The following EGFLAM variants were observed in gnomAD, a reference collection of about 807,000 sequenced individuals.
The protein encoded by EGFLAM is pikachurin.
Under a neutral mutation model 113.1 loss-of-function variants are expected in EGFLAM, and 79 were observed. The observed-to-expected ratio is 0.70, with a 90% CI of 0.58 to 0.84. The LOEUF is 0.84. Among genes scored for constraint, EGFLAM ranks in the 40% least tolerant of loss-of-function variants. The pLI is 0.00. For synonymous variants in EGFLAM, 504 were observed against 487.6 expected (o/e 1.03, Z -0.44); for missense variants, 1,265 against 1,291.6 (o/e 0.98, Z 0.32).
At chr5:38,375,569 A>G (rs910573243) in intron 6 of EGFLAM, among the ~76,000 whole-genome samples, 1 of 152,194 alleles carries the variant, frequency 6.6e-6, no homozygotes, top group Non-Finnish European at 1.5e-5. Flanking sequence ...CTTTTGTAAG[A>G]AAAGATAACA....
chr5:38,421,806 G>T (rs1741832331), intron 12 of EGFLAM, among the ~76,000 whole-genome samples: 1 of 152,106 alleles, frequency 6.6e-6, no homozygotes, highest in South Asian at 2.1e-4. Context: ...GTGAAAATGT[G>T]GAGAAGGGAA....
chr5:38,408,291 T>C (rs1741359393), intron 9 of EGFLAM, among the ~76,000 whole-genome samples: 1 of 152,244 alleles, frequency 6.6e-6, no homozygotes, highest in Admixed American at 6.5e-5. Context: ...GTCTTCATTG[T>C]GATAGCTGTC....
intron 11 of EGFLAM, among the ~76,000 whole-genome samples, chr5:38,414,229 A>G (rs1002531141): frequency 6.6e-6 from 1 of 152,244 alleles, no homozygotes; most frequent in Admixed American, 6.5e-5. Context: ...GAGATTGTTT[A>G]TGCTCAGATG....
intron 1 of EGFLAM, among the ~76,000 whole-genome samples, chr5:38,272,935 G>A (rs537400755): frequency 6.6e-6 from 1 of 152,316 alleles, no homozygotes; most frequent in Admixed American, 6.5e-5. Flanking sequence ...TTTAGAAGAG[G>A]AGGATGGTAT....
intron 6 of EGFLAM, among the ~76,000 whole-genome samples, chr5:38,388,751 C>T (rs1740730381): frequency 7.0e-6 from 1 of 142,582 alleles, no homozygotes; most frequent in Non-Finnish European, 1.5e-5. Flanking sequence ...CAGAGTGAGA[C>T]TCTGTCACAA....
intron 1 of EGFLAM, among the ~76,000 whole-genome samples, chr5:38,289,647 C>T (rs558263376): frequency 1.7e-4 from 26 of 152,262 alleles, no homozygotes; most frequent in Middle Eastern, 3.4e-3. Flanking sequence ...TTGGCCAGAA[C>T]GAGTCACATG....
intron 17 of EGFLAM, chr5:38,445,664 G>T (rs375748467): frequency 1.1e-5 from 18 of 1,598,360 alleles, no homozygotes; most frequent in African/African-American, 2.7e-5. Flanking sequence ...TCTCTTTCAT[G>T]CTGGCACCGG....
intron 6 of EGFLAM, among the ~76,000 whole-genome samples, 172 bp downstream of exon 6, chr5:38,370,634 G>A (rs2112035212): frequency 6.6e-6 from 1 of 152,348 alleles, no homozygotes; most frequent in Non-Finnish European, 1.5e-5. Context: ...TGTCAACAGG[G>A]ACACGGGCTG....
intron 9 of EGFLAM, among the ~76,000 whole-genome samples, chr5:38,408,630 A>G (rs139732287): frequency 6.6e-6 from 1 of 152,312 alleles, no homozygotes; most frequent in Non-Finnish European, 1.5e-5. Flanking sequence ...GGGGAGGGAA[A>G]TAGAAAGAAC....
chr5:38,448,393 A>G lies in EGFLAM; in HGVS notation c.2543+14A>G. 6.2e-7 allele frequency: 1 copy of G among 1,613,818 alleles called. No individual in the cohort carries two copies. Among genetic ancestry groups the G allele is most frequent in the Non-Finnish European group, 8.5e-7 (1 of 1,179,832 alleles). ...TATCTTGAAGAGGTAATAAGCTTCA[A>G]CAGGCACCTTCCTCAGCTTTCTGGG... On this transcript the variant is annotated intron_variant, in intron 18 of 21. Coordinates refer to ENST00000322350, the MANE Select transcript of EGFLAM (RefSeq NM_152403.4).
intron 1 of EGFLAM, among the ~76,000 whole-genome samples, chr5:38,272,079 A>G (rs1219160383): frequency 1.3e-5 from 2 of 152,234 alleles, no homozygotes; most frequent in Non-Finnish European, 2.9e-5. Flanking sequence ...TGAATGCCCC[A>G]GGGAGTCACT....
intron 19 of EGFLAM, among the ~76,000 whole-genome samples, chr5:38,454,693 C>T (rs941802066): frequency 7.9e-5 from 12 of 152,156 alleles, no homozygotes; most frequent in African/African-American, 2.7e-4. Context: ...ACAGAGCAGA[C>T]AAATCGTTCT....
chr5:38,402,163 G>A (rs1034662071), intron 6 of EGFLAM: 1 of 152,190 alleles, frequency 6.6e-6, no homozygotes, highest in African/African-American at 2.4e-5. Context: ...GAAAATACAA[G>A]ATGCATTCAG....
rs1741300687 is a variant in EGFLAM, at chr5:38,406,822, C to G, written c.829-6C>G. ...ATCTTGAACCCCTTTCCTTCTCTGG[C>G]TTTAGGTTAAACCACTTCCTGCTAC... On this transcript the variant is annotated splice_polypyrimidine_tract_variant and splice_region_variant and intron_variant, in intron 7 of 21. Coordinates refer to ENST00000322350, the MANE Select transcript of EGFLAM (RefSeq NM_152403.4). 6.2e-7 allele frequency: 1 copy of G among 1,611,654 alleles called. No homozygotes were observed. Among genetic ancestry groups the G allele is most frequent in the Non-Finnish European group, 8.5e-7 (1 of 1,178,302 alleles).
chr5:38,447,264 T>C (rs1579945160), intron 17 of EGFLAM, among the ~76,000 whole-genome samples: 1 of 152,146 alleles, frequency 6.6e-6, no homozygotes, highest in Non-Finnish European at 1.5e-5. Context: ...TTCTAAAATA[T>C]TGGAAAGTTG....
At chr5:38,277,023 A>G (rs1757902733) in intron 1 of EGFLAM, among the ~76,000 whole-genome samples, 1 of 152,180 alleles carries the variant, frequency 6.6e-6, no homozygotes, top group South Asian at 2.1e-4. Flanking sequence ...AAACTCCTCT[A>G]AAAGAATTTA....
chr5:38,461,245 A>G (rs1349327969), intron 20 of EGFLAM: 1 of 152,190 alleles, frequency 6.6e-6, no homozygotes, highest in Non-Finnish European at 1.5e-5. Flanking sequence ...GATGAGCCTT[A>G]TATCATTCCA....
At position 38,436,473 on chromosome 5, in the gene EGFLAM, G is replaced by A. The variant is rs141142129; in HGVS notation, c.2283+1220G>A. 1.7e-3 allele frequency among the ~76,000 whole-genome samples: 266 copies of A among 152,270 alleles called. 1 individual carries two copies. Among genetic ancestry groups the A allele is most frequent in the African/African-American group, 5.9e-3 (247 of 41,552 alleles). On this transcript the variant is annotated intron_variant, in intron 16 of 21. Transcript: ENST00000322350. ...GTGTCAGGCCCAGTCAACATTTGCT[G>A]ACAGTCACGTGTTTCCCTTTGTTAC... is the stretch of plus-strand genomic sequence containing the variant.
chr5:38,315,873 C>T (rs575322839), intron 1 of EGFLAM, among the ~76,000 whole-genome samples: 65 of 152,116 alleles, frequency 4.3e-4, no homozygotes, highest in African/African-American at 1.3e-3. Flanking sequence ...GTCAGGAGTT[C>T]GAGACCAGCC....
Sources: gnomAD v4.1 joint callset for allele counts (sites outside exome capture counted in the v4.1 genomes callset) on GRCh38, gnomAD v4.1.1 for gene constraint, MANE v1.5 for transcripts, NCBI Gene and HGNC (gene_info 2026-07-23, HGNC 2026-07-21) for gene names.